SAMD4A: variants seen among roughly 807,000 people sequenced by gnomAD.
SAMD4A encodes the protein protein Smaug homolog 1.
A neutral mutation model predicts 81.3 loss-of-function variants in SAMD4A; 33 were observed. The ratio of observed to expected loss-of-function variants is 0.41; its 90% CI spans 0.31 to 0.54. SAMD4A has a LOEUF of 0.54. Among genes scored for constraint, SAMD4A ranks in the 20% least tolerant of loss-of-function variants. The pLI, the probability that SAMD4A is intolerant of heterozygous loss-of-function variation, is 0.37. For synonymous variants in SAMD4A, 389 were observed against 382.1 expected, an observed-to-expected ratio of 1.02 and a Z score of -0.21; for missense variants, 854 against 951.1, an observed-to-expected ratio of 0.90 and a Z score of 1.34.
At chr14:54,613,120 GAA>G (rs2034401801) in intron 2 of SAMD4A, among the ~76,000 whole-genome samples, 1 of 123,374 alleles carries the variant, frequency 8.1e-6, no homozygotes, top group Non-Finnish European at 1.7e-5. Context: ...CATCAAGAAA[GAA>G]AAAGAGAGAG....
intron 3 of SAMD4A, among the ~76,000 whole-genome samples, chr14:54,710,127 C>G (rs1449195790): frequency 6.6e-6 from 1 of 152,166 alleles, no homozygotes; most frequent in Non-Finnish European, 1.5e-5. Flanking sequence ...GGTAAGAACT[C>G]AGAAACTTTG....
chr14:54,566,741 C>CCA (rs1217693669), upstream of SAMD4A, among the ~76,000 whole-genome samples: 3 of 151,836 alleles, frequency 2.0e-5, no homozygotes, highest in Admixed American at 6.6e-5. Flanking sequence ...AGGATGCCTG[C>CCA]CACACACGCG....
intron 2 of SAMD4A, among the ~76,000 whole-genome samples, chr14:54,592,084 G>A (rs190900659): frequency 3.2e-3 from 487 of 150,680 alleles, no homozygotes; most frequent in Admixed American, 9.5e-3. Context: ...CCACCCATCC[G>A]TCAGAGCCCT....
At chr14:54,604,310 G>A (rs895990177) in intron 2 of SAMD4A, among the ~76,000 whole-genome samples, 8 of 152,140 alleles carry the variant, frequency 5.3e-5, no homozygotes, top group East Asian at 1.9e-4. Context: ...TTCAATGCAC[G>A]TTGTAACTTT....
At chr14:54,633,681 T>C (rs897799021) in intron 2 of SAMD4A, among the ~76,000 whole-genome samples, 1 of 151,974 alleles carries the variant, frequency 6.6e-6, no homozygotes, top group Non-Finnish European at 1.5e-5. Flanking sequence ...GAGATAGGAC[T>C]CAAGGACTAT....
chr14:54,776,847 C>T (rs1363201297), intron 11 of SAMD4A, among the ~76,000 whole-genome samples: 9 of 127,586 alleles, frequency 7.1e-5, no homozygotes, highest in Non-Finnish European at 1.5e-4. Flanking sequence ...TGGGAGGGCT[C>T]CATGTGTAGT....
Position 54,767,017 on chromosome 14 carries a change from G to T in SAMD4A, c.1596+2477G>T, listed in dbSNP as rs548053731. Among the ~76,000 whole-genome samples the T allele has an allele frequency of 2.6e-5, 4 of 152,320 alleles. No homozygotes were observed. The South Asian group carries it at 8.3e-4, about 32-fold the overall frequency. On this transcript the variant is annotated intron_variant, in intron 8 of 12. Coordinates refer to ENST00000554335, the MANE Select transcript of SAMD4A (RefSeq NM_015589.6). ...CCCAGAGGGGCCTCTCGTGGCTGGG[G>T]GCCCCGGTCAGGAAGGAGCTGGTGA...
At chr14:54,662,534 C>G (rs2035666636) in intron 2 of SAMD4A, among the ~76,000 whole-genome samples, 1 of 151,950 alleles carries the variant, frequency 6.6e-6, no homozygotes, top group African/African-American at 2.4e-5. Flanking sequence ...CTCAGCCTCC[C>G]AAGTAACTGG....
Position 54,760,606 on chromosome 14 carries a change from C to T in SAMD4A, c.1510+112C>T, listed in dbSNP as rs1255737950. ...ATAAATTCCCTGTCCAAGTAGACATCATTAGCTTCATCTTACAGATAGGGA... is the reference window on the plus strand; with the variant it reads ...ATAAATTCCCTGTCCAAGTAGACATTATTAGCTTCATCTTACAGATAGGGA... On this transcript the variant is annotated intron_variant, in intron 7 of 12. Transcript: ENST00000554335. The T allele has an allele frequency of 6.7e-6, 9 of 1,340,644 alleles. No homozygotes were observed. The East Asian group carries it at 2.2e-4, about 32-fold the overall frequency. The allele number at this position is 1,340,644 out of a possible 1,614,324, so 83.0% of individuals were successfully genotyped here.
chr14:54,750,731 A>G (rs2038082118), intron 5 of SAMD4A, among the ~76,000 whole-genome samples: 1 of 152,228 alleles, frequency 6.6e-6, no homozygotes, highest in Non-Finnish European at 1.5e-5. Context: ...TGAGAAAGCC[A>G]TGAATATCTA....
chr14:54,655,387 T>C (rs1034913811), intron 2 of SAMD4A, among the ~76,000 whole-genome samples: 2 of 152,192 alleles, frequency 1.3e-5, no homozygotes, highest in African/African-American at 2.4e-5. Context: ...TTCTACTTCA[T>C]TGACATTGTT....
intron 2 of SAMD4A, among the ~76,000 whole-genome samples, chr14:54,625,320 C>T (rs900757855): frequency 6.6e-6 from 1 of 152,332 alleles, no homozygotes; most frequent in South Asian, 2.1e-4. Flanking sequence ...TGACTTGCTG[C>T]GCAATTACTC....
At chr14:54,688,448 T>G in intron 2 of SAMD4A, 4 of 844,250 alleles carry the variant, frequency 4.7e-6, no homozygotes, top group Non-Finnish European at 5.7e-6. Flanking sequence ...AAAACTGAAA[T>G]TCTCACCTTC....
At chr14:54,579,728 A>G (rs935115010) in intron 2 of SAMD4A, among the ~76,000 whole-genome samples, 4 of 152,192 alleles carry the variant, frequency 2.6e-5, no homozygotes, top group Non-Finnish European at 5.9e-5. Flanking sequence ...CATGGAATGG[A>G]TGCTTCTGTG....
intron 4 of SAMD4A, among the ~76,000 whole-genome samples, chr14:54,742,121 G>A (rs981779451): frequency 2.6e-5 from 4 of 152,056 alleles, no homozygotes; most frequent in African/African-American, 4.8e-5. Flanking sequence ...CAGTAATTGA[G>A]GGGGAAAAGG....
At chr14:54,687,615 G>T (rs2036309611) in intron 2 of SAMD4A, among the ~76,000 whole-genome samples, 1 of 152,098 alleles carries the variant, frequency 6.6e-6, no homozygotes. Context: ...GAAGGTGTGT[G>T]GAAACTTTCT....
intron 2 of SAMD4A, among the ~76,000 whole-genome samples, chr14:54,691,975 C>T (rs2140668056): frequency 6.6e-6 from 1 of 152,324 alleles, no homozygotes; most frequent in East Asian, 1.9e-4. Flanking sequence ...GTGATACATA[C>T]ATTTTACTAT....
chr14:54,633,829 A>T (rs1019050703), intron 2 of SAMD4A, among the ~76,000 whole-genome samples: 7 of 152,302 alleles, frequency 4.6e-5, no homozygotes, highest in African/African-American at 1.2e-4. Flanking sequence ...ATCACTTAAC[A>T]TATGTAAAAT....
intron 3 of SAMD4A, among the ~76,000 whole-genome samples, chr14:54,734,021 T>C (rs1322901168): frequency 6.6e-6 from 1 of 152,164 alleles, no homozygotes; most frequent in African/African-American, 2.4e-5. Context: ...ATGACAGTAT[T>C]TCCTCTGTCA....
Sources: allele counts gnomAD v4.1 joint callset (sites outside exome capture counted in the v4.1 genomes callset), GRCh38; gene constraint gnomAD v4.1.1; transcripts MANE v1.5; gene names NCBI Gene and HGNC (gene_info 2026-07-23, HGNC 2026-07-21).